The following ZDHHC11B variants were observed in gnomAD, a reference collection of about 807,000 sequenced individuals.
ZDHHC11B encodes the protein zDHHC palmitoyltransferase 11B (putative).
A neutral mutation model predicts 42.3 loss-of-function variants in ZDHHC11B; 17 were observed. The observed-to-expected ratio is 0.40, with a 90% confidence interval of 0.27 to 0.60. The LOEUF is 0.60. Among genes scored for constraint, ZDHHC11B ranks in the 20% least tolerant of loss-of-function variants. The pLI is 0.41. For synonymous variants in ZDHHC11B, 123 were observed against 193.5 expected (o/e 0.64, Z 3.02); for missense variants, 262 against 463.2 (o/e 0.57, Z 3.99).
chr5:745,681 G>A lies in ZDHHC11B; in HGVS notation c.785-383C>T, dbSNP rs187601226. On this transcript the variant is annotated intron_variant, in intron 8 of 13. Coordinates refer to ENST00000508859, the MANE Select transcript of ZDHHC11B (RefSeq NM_001351303.2). ...CAGATGCCCTGGGATTGCTGGCAGG[G>A]GTAAGAGGCCAGCTCAGGAGGGGCC... 2.7e-3 allele frequency among the ~76,000 whole-genome samples: 408 copies of A among 150,218 alleles called. 33 individuals carry two copies. Among genetic ancestry groups the A allele is most frequent in the South Asian group, 0.014 (63 of 4,528 alleles).
chr5:777,794 G>A (rs116579429), intron 1 of ZDHHC11B, among the ~76,000 whole-genome samples: 4,142 of 149,772 alleles, frequency 0.028, 42 homozygotes, highest in African/African-American at 0.099. Flanking sequence ...CGCAGCAGGC[G>A]GAGCTGCCCG....
intron 13 of ZDHHC11B, among the ~76,000 whole-genome samples, chr5:713,728 TTC>T (rs1339334557): frequency 2.6e-5 from 4 of 152,086 alleles, no homozygotes; most frequent in Non-Finnish European, 5.9e-5. Context: ...GCAGTGATTT[TTC>T]TCTTTTTCTT....
At position 746,694 on chromosome 5, in the gene ZDHHC11B, A is replaced by C. The variant is rs1579324827; in HGVS notation, c.785-1396T>G. Among the ~76,000 whole-genome samples the C allele has an allele frequency of 1.3e-5, 2 of 150,510 alleles. 1 individual carries two copies. Among genetic ancestry groups the C allele is most frequent in the East Asian group, 4.1e-4 (2 of 4,894 alleles). On this transcript the variant is annotated intron_variant, in intron 8 of 13. Transcript: ENST00000508859. ...GGCCAGCCACACTTGTTTGTGTCTC[A>C]TTCTTCATCCTCTCCCCGCAGCGTG...
intron 6 of ZDHHC11B, among the ~76,000 whole-genome samples, chr5:754,352 C>T (rs1391661909): frequency 8.0e-6 from 1 of 125,766 alleles, no homozygotes; most frequent in Non-Finnish European, 1.7e-5. Context: ...CATCTGTGAG[C>T]CTCCACCGTG....
intron 12 of ZDHHC11B, among the ~76,000 whole-genome samples, chr5:718,207 A>G (rs1225168005): frequency 6.6e-6 from 1 of 151,886 alleles, no homozygotes; most frequent in Non-Finnish European, 1.5e-5. Context: ...AGTGTGTGTA[A>G]GTATGTATAT....
intron 13 of ZDHHC11B, among the ~76,000 whole-genome samples, chr5:714,975 C>T (rs1173433713): frequency 6.6e-6 from 1 of 150,988 alleles, no homozygotes; most frequent in African/African-American, 2.5e-5. Flanking sequence ...CCTTCGCCTC[C>T]TCTCTCTCCA....
In ZDHHC11B at chr5:712,518, A is replaced by G. The variant is rs1182244031; in HGVS notation, c.*8-236T>C. 1.6e-4 allele frequency among the ~76,000 whole-genome samples: 19 copies of G among 118,394 alleles called. 1 individual carries two copies. The highest frequency in any genetic ancestry group is 3.0e-4 in the Non-Finnish European group (17 of 55,936). 77.7% of individuals were successfully genotyped at this position (118,394 alleles called of 152,430 possible). On this transcript the variant is annotated intron_variant, in intron 13 of 13. Coordinates refer to ENST00000508859, the MANE Select transcript of ZDHHC11B (RefSeq NM_001351303.2). ...CCCCATCCTTCCAGAAAACTTAGAGATGAGTGCATCACCGACAGAGGCCAT... is the reference window on the plus strand; with the variant it reads ...CCCCATCCTTCCAGAAAACTTAGAGGTGAGTGCATCACCGACAGAGGCCAT...
At chr5:716,247 T>C (rs962617950) in intron 13 of ZDHHC11B, among the ~76,000 whole-genome samples, 15 of 151,284 alleles carry the variant, frequency 9.9e-5, no homozygotes, top group Non-Finnish European at 1.9e-4. Flanking sequence ...TGGCAGAGCA[T>C]GTCTGGATGG....
rs1167036512 is a variant in ZDHHC11B, at chr5:749,338, C to A, written c.629-779G>T. ...ACACTTCCAAAAATCAGGCGTAATG[C>A]AGAATGGCAGAGGGCCAGGCAAGGC... On this transcript the variant is annotated intron_variant, in intron 7 of 13. Coordinates refer to ENST00000508859, the MANE Select transcript of ZDHHC11B (RefSeq NM_001351303.2). Among the ~76,000 whole-genome samples the A allele has an allele frequency of 1.7e-4, 22 of 130,544 alleles. 5 individuals are homozygous for A. The highest frequency in any genetic ancestry group is 5.5e-4 in the African/African-American group (22 of 39,848). 85.6% of individuals were successfully genotyped at this position (130,544 alleles called of 152,430 possible).
chr5:764,397 A>G (rs1303913859), intron 4 of ZDHHC11B, among the ~76,000 whole-genome samples: 4 of 149,780 alleles, frequency 2.7e-5, no homozygotes, highest in African/African-American at 4.9e-5. Flanking sequence ...GGAGAGGCAC[A>G]GGCGGGAACC....
intron 8 of ZDHHC11B, chr5:747,949 A>C (rs1579329763): frequency 5.8e-6 from 2 of 347,380 alleles, no homozygotes; most frequent in East Asian, 1.2e-4. Flanking sequence ...AAGCAAGACC[A>C]CCAGCTCTCG....
At chr5:777,266 T>C (rs756646439) in intron 1 of ZDHHC11B, among the ~76,000 whole-genome samples, 2 of 151,784 alleles carry the variant, frequency 1.3e-5, no homozygotes, top group Non-Finnish European at 2.9e-5. Context: ...TCTGGAGTCA[T>C]TCATTCCTTC....
chr5:775,798 C>G (rs1341631141), intron 1 of ZDHHC11B, among the ~76,000 whole-genome samples: 1 of 151,704 alleles, frequency 6.6e-6, no homozygotes, highest in South Asian at 2.1e-4. Flanking sequence ...CTTCCATGCC[C>G]TCGGGGCACT....
chr5:733,439 T>C (rs1443681161), intron 11 of ZDHHC11B, among the ~76,000 whole-genome samples: 3 of 151,830 alleles, frequency 2.0e-5, no homozygotes, highest in Non-Finnish European at 2.9e-5. Flanking sequence ...TGTCCCTCGC[T>C]GCATGTTCTG....
chr5:770,515 C>T, intron 1 of ZDHHC11B, among the ~76,000 whole-genome samples: 1 of 151,566 alleles, frequency 6.6e-6, no homozygotes, highest in East Asian at 1.9e-4. Flanking sequence ...TTCCACTGTC[C>T]CTCCTGTGGA....
At chr5:731,290 T>C (rs1221240486) in intron 11 of ZDHHC11B, among the ~76,000 whole-genome samples, 1 of 149,938 alleles carries the variant, frequency 6.7e-6, no homozygotes, top group Non-Finnish European at 1.5e-5. Context: ...ATGTTGCCCA[T>C]AGTGGTCTCA....
chr5:778,972 A>G (rs1424766622), intron 1 of ZDHHC11B, among the ~76,000 whole-genome samples: 1 of 151,728 alleles, frequency 6.6e-6, no homozygotes, highest in Non-Finnish European at 1.5e-5. Context: ...GGACATGGCA[A>G]CCAGGCCCTG....
chr5:774,796 G>T (rs1159515970), intron 1 of ZDHHC11B, among the ~76,000 whole-genome samples: 2 of 151,662 alleles, frequency 1.3e-5, no homozygotes, highest in Non-Finnish European at 2.9e-5. Context: ...TGGGCCTGGA[G>T]CCTGTAACTA....
At chr5:761,870 C>CTCCTAG (rs1554040468) in intron 4 of ZDHHC11B, among the ~76,000 whole-genome samples, 1 of 151,686 alleles carries the variant, frequency 6.6e-6, no homozygotes, top group Non-Finnish European at 1.5e-5. Context: ...CAGACAGCCA[C>CTCCTAG]CCCTAGCCCC....
Sources: gnomAD v4.1 joint callset for allele counts (sites outside exome capture counted in the v4.1 genomes callset) on GRCh38, gnomAD v4.1.1 for gene constraint, MANE v1.5 for transcripts, NCBI Gene and HGNC (gene_info 2026-07-23, HGNC 2026-07-21) for gene names.